PKD2L1: variants seen among roughly 807,000 people sequenced by gnomAD.
PKD2L1 encodes the protein polycystin 2 like 1, transient receptor potential cation channel, also known as polycystin-2-like protein 1.
Under a neutral mutation model 93.0 loss-of-function variants are expected in PKD2L1, and 77 were observed. The observed-to-expected ratio is 0.83, with a 90% confidence interval of 0.69 to 1.00. The LOEUF (loss-of-function observed/expected upper bound fraction) is 1.00. Among genes scored for constraint, PKD2L1 ranks in the 50% least tolerant of loss-of-function variants. The probability of loss-of-function intolerance (pLI) is 0.00; values close to 1 mark genes in which losing one functional copy is unlikely to be tolerated. For missense variants in PKD2L1, 977 were observed against 990.9 expected (o/e 0.99, Z 0.19); for synonymous variants, 390 against 388.0 (o/e 1.01, Z -0.06).
At chr10:100,317,528 A>C in intron 2 of PKD2L1, among the ~76,000 whole-genome samples, 1 of 152,090 alleles carries the variant, frequency 6.6e-6, no homozygotes, top group Non-Finnish European at 1.5e-5. Context: ...ACAGGGTGAG[A>C]CCCTATCTCA....
At chr10:100,303,627 T>C (rs1403602200) in intron 2 of PKD2L1, among the ~76,000 whole-genome samples, 7 of 152,240 alleles carry the variant, frequency 4.6e-5, no homozygotes, top group Non-Finnish European at 8.8e-5. Flanking sequence ...ACTAACATTA[T>C]ACTTTTTCAG....
Position 100,306,855 on chromosome 10 carries a change from CAAAAAA to C in PKD2L1, c.350-7143_350-7138del, listed in dbSNP as rs61413476. On this transcript the variant is annotated intron_variant, in intron 2 of 15. Coordinates refer to ENST00000318222, the MANE Select transcript of PKD2L1 (RefSeq NM_016112.3). The stretch of plus-strand genomic sequence containing the variant: ...CCTGGGCGAGAGAGTGAGACCCTGT[CAAAAAA>C]AAAAAAAAAAAAGAAAGAGAGAGAA... 1.3e-3 allele frequency among the ~76,000 whole-genome samples: 66 copies of C among 49,868 alleles called. 1 individual carries two copies. Among genetic ancestry groups the C allele is most frequent in the African/African-American group, 7.4e-3 (64 of 8,704 alleles). 32.7% of individuals were successfully genotyped at this position (49,868 alleles called of 152,430 possible).
intron 2 of PKD2L1, among the ~76,000 whole-genome samples, chr10:100,309,546 C>T (rs1046233487): frequency 3.3e-5 from 5 of 152,082 alleles, no homozygotes; most frequent in Admixed American, 2.0e-4. Flanking sequence ...GGTATCACAC[C>T]TCTCTGGATC....
At chr10:100,288,617 A>T in intron 15 of PKD2L1, 139 bp from the exon 16 acceptor site, 2 of 636,678 alleles carry the variant, frequency 3.1e-6, no homozygotes, top group Non-Finnish European at 5.6e-6. Flanking sequence ...TTCACAGACC[A>T]TGGCTATCCA....
At chr10:100,300,779 T>C (rs2134386198) in intron 2 of PKD2L1, among the ~76,000 whole-genome samples, 1 of 152,356 alleles carries the variant, frequency 6.6e-6, no homozygotes, top group South Asian at 2.1e-4. Context: ...TTGTAATTAA[T>C]ACGTGTTTTT....
intron 4 of PKD2L1, among the ~76,000 whole-genome samples, chr10:100,298,237 G>A (rs1848595572): frequency 6.6e-6 from 1 of 152,082 alleles, no homozygotes; most frequent in Non-Finnish European, 1.5e-5. Context: ...CACCCATTTT[G>A]TATACCCCTA....
At chr10:100,308,338 T>C in intron 2 of PKD2L1, among the ~76,000 whole-genome samples, 1 of 148,694 alleles carries the variant, frequency 6.7e-6, no homozygotes, top group East Asian at 1.9e-4. Flanking sequence ...GAATGTTGCT[T>C]TTTTTTTTTT....
At chr10:100,295,265 T>G in intron 7 of PKD2L1, 142 bp from the exon 8 acceptor site, 4 of 652,190 alleles carry the variant, frequency 6.1e-6, no homozygotes, top group Non-Finnish European at 5.5e-6. Flanking sequence ...GGGAGAATGA[T>G]ACAAAAATTA....
chr10:100,328,845 C>T (rs2133577702), intron 2 of PKD2L1, among the ~76,000 whole-genome samples: 1 of 152,340 alleles, frequency 6.6e-6, no homozygotes, highest in South Asian at 2.1e-4. Flanking sequence ...CCACTTCGGC[C>T]TCCCAAAGTG....
chr10:100,320,941 GA>G (rs1030008818), intron 2 of PKD2L1, among the ~76,000 whole-genome samples: 2 of 152,142 alleles, frequency 1.3e-5, no homozygotes, highest in African/African-American at 4.8e-5. Context: ...ATAATTTAAA[GA>G]AGTGGGAAAA....
chr10:100,294,682 C>G (rs1245997612), intron 8 of PKD2L1, 27 bp from the exon 9 acceptor site: 3 of 1,613,800 alleles, frequency 1.9e-6, no homozygotes, highest in Non-Finnish European at 2.5e-6. Flanking sequence ...GGGCTTTACC[C>G]AGAGCCTAAC....
At position 100,297,535 on chromosome 10, in the gene PKD2L1, C is replaced by A. The variant is rs745458428; in HGVS notation, c.803G>T (p.Gly268Val). The A allele has an allele frequency of 5.6e-6, 9 of 1,614,166 alleles. No homozygotes were observed. Among genetic ancestry groups the A allele is most frequent in the Non-Finnish European group, 7.6e-6 (9 of 1,180,028 alleles). Reference sequence around the variant, plus strand: ...TCCTGGAAGGTCCAGGTAGTAGCCACCTCCGCTGTAGCTTGTGAGCCTGCC... The same window carrying A: ...TCCTGGAAGGTCCAGGTAGTAGCCAACTCCGCTGTAGCTTGTGAGCCTGCC... ...HWGRLTSYSG[G>V]GYYLDLPGSR... The change falls in exon 5 of 16, where the codon GGT (glycine) becomes GTT (valine). Residue 268 changes from glycine to valine, a missense_variant. Transcript: ENST00000318222.
At chr10:100,321,300 A>G (rs1189667564) in intron 2 of PKD2L1, among the ~76,000 whole-genome samples, 2 of 152,080 alleles carry the variant, frequency 1.3e-5, no homozygotes, top group East Asian at 1.9e-4. Context: ...TCTACTAAAA[A>G]TACAAAAAAA....
chr10:100,298,917 TCTG>T (rs1848615069), intron 3 of PKD2L1, 102 bp from the exon 4 acceptor site: 2 of 1,046,006 alleles, frequency 1.9e-6, no homozygotes, highest in Non-Finnish European at 2.7e-6. Context: ...TTGTCTCCAG[TCTG>T]CTTTTTAAAA....
At chr10:100,324,687 A>T (rs1849338057) in intron 2 of PKD2L1, among the ~76,000 whole-genome samples, 1 of 152,216 alleles carries the variant, frequency 6.6e-6, no homozygotes. Flanking sequence ...CCAGAAGATA[A>T]ATGTTATTAT....
intron 2 of PKD2L1, among the ~76,000 whole-genome samples, chr10:100,307,332 C>A (rs1002334456): frequency 6.6e-6 from 1 of 152,140 alleles, no homozygotes; most frequent in Middle Eastern, 3.2e-3. Flanking sequence ...CCATAGTAGA[C>A]CGATTGTGTA....
At chr10:100,294,851 C>T in intron 8 of PKD2L1, 91 bp downstream of exon 8, 1 of 1,320,064 alleles carries the variant, frequency 7.6e-7, no homozygotes, top group South Asian at 1.3e-5. Context: ...GACATGCAGA[C>T]ACGCACGTAC....
In PKD2L1 at chr10:100,295,136, T is replaced by A. The variant is rs1318235178; in HGVS notation, c.1357-13A>T. 2 of 1,609,632 alleles carry A rather than the reference T, an allele frequency of 1.2e-6. No homozygotes were observed. Among genetic ancestry groups the A allele is most frequent in the Non-Finnish European group, 1.7e-6 (2 of 1,176,940 alleles). ...TGTACTTGAATATCTGGAAGGACCA[T>A]GTTGAACCAAGGGATGAAGAAGGAA... On this transcript the variant is annotated splice_polypyrimidine_tract_variant and intron_variant, in intron 7 of 15. Transcript: ENST00000318222.
chr10:100,324,889 C>A (rs894577754), intron 2 of PKD2L1, among the ~76,000 whole-genome samples: 1 of 152,180 alleles, frequency 6.6e-6, no homozygotes, highest in Non-Finnish European at 1.5e-5. Context: ...ACTGGCACAG[C>A]TGCATGTCCA....
Sources: gnomAD v4.1 joint callset for allele counts (sites outside exome capture counted in the v4.1 genomes callset) on GRCh38, gnomAD v4.1.1 for gene constraint, MANE v1.5 for transcripts, NCBI Gene and HGNC (gene_info 2026-07-23, HGNC 2026-07-21) for gene names.